SGK1: variants seen among roughly 807,000 people sequenced by gnomAD.
SGK1 encodes serine/threonine-protein kinase Sgk1.
Under a neutral mutation model 64.2 loss-of-function variants are expected in SGK1, and 26 were observed. The ratio of observed to expected loss-of-function variants is 0.40; its 90% CI spans 0.30 to 0.56. SGK1 has a LOEUF of 0.56. SGK1 is among the 20% of genes least tolerant of loss of function. The pLI, the probability that SGK1 is intolerant of heterozygous loss-of-function variation, is 0.38. For synonymous variants in SGK1, 265 were observed against 239.7 expected (o/e 1.11, Z -0.98); for missense variants, 519 against 645.6 (o/e 0.80, Z 2.12).
chr6:134,303,152 G>C (rs1408790452), intron 1 of SGK1, among the ~76,000 whole-genome samples: 2 of 152,070 alleles, frequency 1.3e-5, no homozygotes, highest in East Asian at 3.9e-4. Context: ...CCAGCACTTT[G>C]GGAGGCTGAG....
intron 1 of SGK1, among the ~76,000 whole-genome samples, chr6:134,268,400 G>A (rs1776886609): frequency 6.6e-6 from 1 of 152,130 alleles, no homozygotes; most frequent in African/African-American, 2.4e-5. Flanking sequence ...AAACATAGAC[G>A]GGGTGAGACA....
At chr6:134,270,380 A>T (rs1408379686) in intron 1 of SGK1, among the ~76,000 whole-genome samples, 1 of 148,046 alleles carries the variant, frequency 6.8e-6, no homozygotes, top group East Asian at 2.4e-4. Flanking sequence ...GAAAAAAAAA[A>T]ATTCCAGAGG....
At chr6:134,175,603 C>T (rs1277665604) in intron 3 of SGK1, 4 of 1,549,068 alleles carry the variant, frequency 2.6e-6, no homozygotes, top group Admixed American at 1.9e-5. Context: ...CTTTTTGTGG[C>T]GGGGCCGCAG....
In SGK1 at chr6:134,174,514, T is replaced by G. The variant is rs777715286; in HGVS notation, c.434A>C (p.Lys145Thr). The G allele has an allele frequency of 1.9e-6, 3 of 1,610,736 alleles. No homozygotes were observed. The highest frequency in any genetic ancestry group is 1.3e-5 in the African/African-American group (1 of 74,872). The stretch of plus-strand genomic sequence containing the variant: ...CCTCAAATCCGGTCAAACTTACTGT[T>G]TGCATGCATAGGAGTTATTGGCAAT... ...QKIANNSYAC[K>T]HPEVQSILKI... Residue 145 changes from lysine (K) to threonine (T), a missense_variant, in exon 4 of 14, where the codon AAA becomes ACA. By Grantham distance (78) the Lys-to-Thr change is moderately conservative (BLOSUM62 -1). Around this residue, in one of 2 missense-constraint regions of SGK1, gnomAD observed 241 missense variants for 236.9 expected, o/e 1.02. Transcript: ENST00000367858.
At chr6:134,257,619 G>T (rs962080814) in intron 2 of SGK1, among the ~76,000 whole-genome samples, 1 of 151,750 alleles carries the variant, frequency 6.6e-6, no homozygotes, top group Non-Finnish European at 1.5e-5. Flanking sequence ...TAAATGCCAA[G>T]CATAGGATCT....
Position 134,225,933 on chromosome 6 carries a change from C to CAA in SGK1, c.286-18504_286-18503dup, listed in dbSNP as rs71799978. 5.4e-5 allele frequency among the ~76,000 whole-genome samples: 8 copies of CAA among 148,226 alleles called. No individual in the cohort carries two copies. In the East Asian group the frequency reaches 9.9e-4, roughly 18 times the overall value. ...ACCAAAAAAACAAAAACAAAAAAAA[C>CAA]AAAAAAAAACAAAAAAACACCCAAA... On this transcript the variant is annotated intron_variant, in intron 2 of 13. Coordinates refer to ENST00000367858, the MANE Select transcript of SGK1 (RefSeq NM_001143676.3).
intron 2 of SGK1, among the ~76,000 whole-genome samples, chr6:134,216,939 T>G (rs1048103458): frequency 2.0e-5 from 3 of 152,156 alleles, no homozygotes; most frequent in African/African-American, 7.2e-5. Context: ...GGTTGAGCAA[T>G]TCCATGGGAG....
At position 134,215,647 on chromosome 6, in the gene SGK1, G is replaced by A. The variant is rs563556790; in HGVS notation, c.286-8216C>T. ...TGTAATCCCAGCACTGTGGGAGGCC[G>A]AGGTGGGCGGATCACCTGAGGTCAG... On this transcript the variant is annotated intron_variant, in intron 2 of 13. Transcript: ENST00000367858. Among the ~76,000 whole-genome samples the A allele has an allele frequency of 9.9e-5, 15 of 152,082 alleles. No individual in the cohort carries two copies. The South Asian group carries it at 1.2e-3, about 13-fold the overall frequency.
intron 3 of SGK1, chr6:134,174,966 C>G (rs912909444): frequency 9.6e-6 from 13 of 1,355,768 alleles, no homozygotes; most frequent in Non-Finnish European, 1.3e-5. Context: ...GCCCCTCGCC[C>G]CGCCCCGGCC....
chr6:134,176,308 C>G (rs1372474249), intron 3 of SGK1, among the ~76,000 whole-genome samples: 2 of 152,252 alleles, frequency 1.3e-5, no homozygotes, highest in Non-Finnish European at 2.9e-5. Flanking sequence ...ACCTCGCTCG[C>G]TCTTTATGTG....
At chr6:134,311,430 G>T (rs1260713402) in intron 1 of SGK1, among the ~76,000 whole-genome samples, 1 of 152,026 alleles carries the variant, frequency 6.6e-6, no homozygotes, top group East Asian at 1.9e-4. Flanking sequence ...ATCACCTGAG[G>T]TCAGGAGTTG....
chr6:134,172,271 A>G lies in SGK1; in HGVS notation c.993T>C (p.Ile331=). The change falls in exon 10 of 14, where the codon ATT becomes ATC. Residue 331 remains isoleucine (I), a synonymous_variant. Coordinates refer to ENST00000367858, the MANE Select transcript of SGK1 (RefSeq NM_001143676.3). Reference sequence around the variant, plus strand: ...TGCAGAGTCCGAAGTCAGTAAGGACAATGTGTCCCTGTGAATCTAGCAAAA... The same window carrying G: ...TGCAGAGTCCGAAGTCAGTAAGGACGATGTGTCCCTGTGAATCTAGCAAAA... ...ENILLDSQGH[I]VLTDFGLCKE... 3.7e-6 allele frequency: 6 copies of G among 1,613,918 alleles called. No individual in the cohort carries two copies. Among genetic ancestry groups the G allele is most frequent in the Non-Finnish European group, 5.1e-6 (6 of 1,179,810 alleles).
chr6:134,190,114 T>G (rs1775485380), intron 3 of SGK1, among the ~76,000 whole-genome samples: 1 of 152,176 alleles, frequency 6.6e-6, no homozygotes, highest in Non-Finnish European at 1.5e-5. Context: ...CCTCCCAAAG[T>G]GCTGGAATTA....
rs35364662 is a variant in SGK1, at chr6:134,208,896, G to GTATA, written c.286-1469_286-1466dup. On this transcript the variant is annotated intron_variant, in intron 2 of 13. Transcript: ENST00000367858. ...TGCATATACATACATGTATGTGTGT[G>GTATA]TATATATATATACACACACACGTGT... Among the ~76,000 whole-genome samples the GTATA allele has an allele frequency of 5.0e-3, 740 of 146,904 alleles. 3 individuals are homozygous for GTATA. The highest frequency in any genetic ancestry group is 0.011 in the Middle Eastern group (3 of 282).
intron 3 of SGK1, among the ~76,000 whole-genome samples, chr6:134,196,487 A>C (rs1582703413): frequency 6.6e-6 from 1 of 151,626 alleles, no homozygotes; most frequent in Non-Finnish European, 1.5e-5. Flanking sequence ...AAATAATAAT[A>C]ATAAAATAAT....
At chr6:134,220,677 T>C (rs1776075901) in intron 2 of SGK1, among the ~76,000 whole-genome samples, 1 of 152,154 alleles carries the variant, frequency 6.6e-6, no homozygotes, top group Non-Finnish European at 1.5e-5. Flanking sequence ...TTTTAATAAT[T>C]GGTAAAGGTT....
chr6:134,175,623 G>T (rs980852177), intron 3 of SGK1: 3 of 1,537,134 alleles, frequency 2.0e-6, no homozygotes, highest in Middle Eastern at 3.9e-4. Flanking sequence ...GCAGGGACTC[G>T]AGCCGGGCTC....
chr6:134,261,652 T>C (rs1373541737), intron 2 of SGK1: 2 of 582,774 alleles, frequency 3.4e-6, no homozygotes, highest in African/African-American at 3.7e-5. Context: ...GGAATGTTGA[T>C]GGCAAAGTAG....
intron 2 of SGK1, among the ~76,000 whole-genome samples, chr6:134,207,671 G>C (rs1046783625): frequency 6.6e-6 from 1 of 152,186 alleles, no homozygotes; most frequent in Non-Finnish European, 1.5e-5. Context: ...ACATGAAGCA[G>C]TTTCACTGGG....
Sources: allele counts gnomAD v4.1 joint callset (sites outside exome capture counted in the v4.1 genomes callset), GRCh38; gene constraint gnomAD v4.1.1; regional missense constraint gnomAD v4.1.1; transcripts MANE v1.5; gene names NCBI Gene and HGNC (gene_info 2026-07-23, HGNC 2026-07-21).